TNRC18: variants seen among roughly 807,000 people sequenced by gnomAD.
TNRC18 encodes the protein trinucleotide repeat containing 18.
In TNRC18, 69 loss-of-function variants were observed where a neutral mutation model predicts 226.7. The observed-to-expected ratio is 0.30, with a 90% CI of 0.25 to 0.37. The LOEUF is 0.37. TNRC18 is among the 10% of genes least tolerant of loss of function. TNRC18 has a pLI of 1.00. For missense variants in TNRC18, 4,754 were observed against 4,256.6 expected (o/e 1.12, Z -3.25); for synonymous variants, 2,449 against 1,927.6 (o/e 1.27, Z -7.09).
Position 5,388,268 on chromosome 7 carries a change from G to C in TNRC18, c.1556C>G (p.Ala519Gly). ...KWKPFELGNF[A>G]ATQMAVLAAQ... ...GGCCAGCACGGCCATCTGCGTGGCG[G>C]CGAAGTTGCCCAGCTCGAAGGGTTT... is the stretch of plus-strand genomic sequence containing the variant. The change falls in exon 5 of 30, where the codon GCC becomes GGC. Residue 519 changes from alanine to glycine, a missense_variant. Physicochemically the swap from Ala to Gly is moderately conservative, Grantham distance 60. Transcript: ENST00000430969. 1.2e-6 allele frequency: 2 copies of C among 1,609,064 alleles called. No individual in the cohort carries two copies. Among genetic ancestry groups the C allele is most frequent in the South Asian group, 2.2e-5 (2 of 90,712 alleles).
Position 5,386,796 on chromosome 7 carries a change from G to A in TNRC18, c.2152+876C>T, listed in dbSNP as rs530616370. Among the ~76,000 whole-genome samples the A allele has an allele frequency of 3.3e-5, 5 of 152,130 alleles. No homozygotes were observed. In the South Asian group the frequency reaches 1.0e-3, roughly 32 times the overall value. Reference sequence around the variant, plus strand: ...AAACTAAAAATAAATAAAACAGGCTGGGGGCAGTGACTCACGCCTGTAATG... The same window carrying A: ...AAACTAAAAATAAATAAAACAGGCTAGGGGCAGTGACTCACGCCTGTAATG... On this transcript the variant is annotated intron_variant, in intron 5 of 29. Transcript: ENST00000430969.
chr7:5,382,197 G>A (rs1779443179), intron 5 of TNRC18, among the ~76,000 whole-genome samples: 1 of 152,096 alleles, frequency 6.6e-6, no homozygotes, highest in Admixed American at 6.6e-5. Flanking sequence ...CTAACATGGA[G>A]GCGTCATGGC....
Position 5,388,240 on chromosome 7 carries a change from C to A in TNRC18, c.1584G>T (p.Ala528=). ...FAATQMAVLA[A]QHHHSRAEEE... ...CTTCGGCGCGGCTGTGGTGGTGCTG[C>A]GCGGCCAGCACGGCCATCTGCGTGG... is the stretch of plus-strand genomic sequence containing the variant. Residue 528 remains alanine (A), a synonymous_variant, in exon 5 of 30, where the codon GCG becomes GCT. Transcript: ENST00000430969. 1 of 1,606,226 alleles carries A rather than the reference C, an allele frequency of 6.2e-7. No individual in the cohort carries two copies. Among genetic ancestry groups the A allele is most frequent in the Non-Finnish European group, 8.5e-7 (1 of 1,177,310 alleles).
rs1165805795 is a variant in TNRC18 at position 5,324,320 on chromosome 7, C to T, written c.6336G>A (p.Met2112Ile). 1 of 1,613,550 alleles carries T rather than the reference C, an allele frequency of 6.2e-7. No homozygotes were observed. The highest frequency in any genetic ancestry group is 1.3e-5 in the African/African-American group (1 of 74,956). The change falls in exon 21 of 30, where the codon ATG becomes ATA. Residue 2112 changes from methionine to isoleucine, a missense_variant. Physicochemically the swap from Met to Ile is conservative, Grantham distance 10 (BLOSUM62 1). Coordinates refer to ENST00000430969, the MANE Select transcript of TNRC18 (RefSeq NM_001080495.3). The surrounding 1 kb of genome is among the most constrained non-coding windows in gnomAD (Gnocchi z 4.8). ...AGTCCTCCTCGGCTGCCATGCTCTC[C>T]ATCAGCTTGCTCACGGCACCCCCCT... Reference protein sequence around the residue: ...RGKGGAVSKLMESMAAEEDFE... With the variant: ...RGKGGAVSKLIESMAAEEDFE...
chr7:5,382,321 C>G (rs150700251), intron 5 of TNRC18, among the ~76,000 whole-genome samples: 1,615 of 152,282 alleles, frequency 0.011, 17 homozygotes, highest in Non-Finnish European at 0.017. Context: ...TGCAGGCCGC[C>G]CAGAGGCCCA....
chr7:5,376,325 A>T, intron 8 of TNRC18, 101 bp from the exon 9 acceptor site: 1 of 1,085,984 alleles, frequency 9.2e-7, no homozygotes, highest in Non-Finnish European at 1.3e-6. Flanking sequence ...ACACCCACAC[A>T]GTGGGGAGCT....
Position 5,313,831 on chromosome 7 carries a change from T to C in TNRC18, c.7060A>G (p.Thr2354Ala), listed in dbSNP as rs759267465. 4.7e-6 allele frequency: 7 copies of C among 1,502,736 alleles called. No individual in the cohort carries two copies. Among genetic ancestry groups the C allele is most frequent in the South Asian group, 4.1e-5 (3 of 72,642 alleles). The allele number at this position is 1,502,736 out of a possible 1,614,324, so 93.1% of individuals were successfully genotyped here. ...RAATLEEGNP[T>A]DEVPSTPLAL... ...AAGGGGGTACTGGGGACCTCGTCTG[T>C]TGGGTTCCCCTCCTCCAGGGTAGCG... Residue 2354 changes from threonine (T) to alanine (A), a missense_variant, in exon 27 of 30, where the codon ACA becomes GCA. By Grantham distance (58) the Thr-to-Ala change is moderately conservative (BLOSUM62 0). Coordinates refer to ENST00000430969, the MANE Select transcript of TNRC18 (RefSeq NM_001080495.3).
intron 24 of TNRC18, chr7:5,320,023 G>A (rs1788189742): frequency 2.8e-6 from 1 of 354,134 alleles, no homozygotes; most frequent in Non-Finnish European, 5.4e-6. Context: ...GGAAAACCGA[G>A]ACTGAGAAAT....
At chr7:5,382,764 C>A (rs1779487191) in intron 5 of TNRC18, among the ~76,000 whole-genome samples, 1 of 152,138 alleles carries the variant, frequency 6.6e-6, no homozygotes. Context: ...TCAGCCTTGC[C>A]TCATCCCTGC....
intron 21 of TNRC18, among the ~76,000 whole-genome samples, chr7:5,322,800 T>A (rs1390509792): frequency 6.6e-6 from 1 of 152,194 alleles, no homozygotes; most frequent in Admixed American, 6.5e-5. Context: ...GATGGCTCGC[T>A]GGGAGAGGGA....
intron 17 of TNRC18, 113 bp downstream of exon 17, chr7:5,351,706 G>A (rs914766139): frequency 3.4e-5 from 42 of 1,242,994 alleles, no homozygotes; most frequent in African/African-American, 4.6e-5. Context: ...CCATCCGCAC[G>A]GGCCTCCTCA....
intron 2 of TNRC18, among the ~76,000 whole-genome samples, chr7:5,402,726 C>T (rs933436807): frequency 6.6e-6 from 1 of 151,086 alleles, no homozygotes; most frequent in South Asian, 2.1e-4. Flanking sequence ...TGGTGGTGGA[C>T]GCCTATAATC....
intron 2 of TNRC18, among the ~76,000 whole-genome samples, chr7:5,396,952 C>A (rs1183386044): frequency 6.6e-6 from 1 of 152,248 alleles, no homozygotes; most frequent in Non-Finnish European, 1.5e-5. Context: ...AACCCATCTT[C>A]TTTGGGGTAC....
chr7:5,345,517 G>GGGGGGGA, intron 18 of TNRC18, 45 bp downstream of exon 18: 1 of 377,744 alleles, frequency 2.6e-6, no homozygotes. Flanking sequence ...AATGGCGTCC[G>GGGGGGGA]CCCCTCCCAC....
In TNRC18 at chr7:5,323,783, G is replaced by T. The variant is rs370969171; in HGVS notation, c.6442+431C>A. Among the ~76,000 whole-genome samples, 145 of 152,162 alleles carry T rather than the reference G, an allele frequency of 9.5e-4. 1 individual carries two copies. Among genetic ancestry groups the T allele is most frequent in the African/African-American group, 3.4e-3 (140 of 41,518 alleles). The stretch of plus-strand genomic sequence containing the variant: ...GGGTTTCACCATGTTGGCCAGGCTG[G>T]TCTGGAACTCCTGACCTCAGGTGAT... On this transcript the variant is annotated intron_variant, in intron 21 of 29. Coordinates refer to ENST00000430969, the MANE Select transcript of TNRC18 (RefSeq NM_001080495.3).
chr7:5,399,936 G>A (rs1780966556), intron 2 of TNRC18, among the ~76,000 whole-genome samples: 1 of 151,920 alleles, frequency 6.6e-6, no homozygotes, highest in Non-Finnish European at 1.5e-5. Flanking sequence ...CAGCTACCTG[G>A]GGAGCTGAGG....
chr7:5,327,512 G>A lies in TNRC18; in HGVS notation c.6148-2264C>T, dbSNP rs2128122275. Among the ~76,000 whole-genome samples, 3 of 152,006 alleles carry A rather than the reference G, an allele frequency of 2.0e-5. No individual in the cohort carries two copies. The South Asian group carries it at 6.2e-4, about 32-fold the overall frequency. ...GCGCTGAAAGAATGTTAGTGGCGCT[G>A]TCCCCTTATCTCTGGGATCCGTCAT... is the stretch of plus-strand genomic sequence containing the variant. On this transcript the variant is annotated intron_variant, in intron 19 of 29. Coordinates refer to ENST00000430969, the MANE Select transcript of TNRC18 (RefSeq NM_001080495.3).
At chr7:5,414,106 C>A (rs961044223) in intron 2 of TNRC18, among the ~76,000 whole-genome samples, 29 of 151,984 alleles carry the variant, frequency 1.9e-4, no homozygotes, top group African/African-American at 7.0e-4. Context: ...TCCACCACAC[C>A]CAGCTAATTT....
chr7:5,385,784 G>A (rs1358849969), intron 5 of TNRC18, among the ~76,000 whole-genome samples: 4 of 151,134 alleles, frequency 2.6e-5, no homozygotes, highest in Non-Finnish European at 4.4e-5. Flanking sequence ...GACCAGCCTG[G>A]CCAACACAGT....
Sources: gnomAD v4.1 joint callset for allele counts (sites outside exome capture counted in the v4.1 genomes callset) on GRCh38, gnomAD v4.1.1 for gene constraint, Gnocchi (gnomAD v3.1) non-coding constraint, MANE v1.5 for transcripts, NCBI Gene and HGNC (gene_info 2026-07-23, HGNC 2026-07-21) for gene names.